The following RGS21 variants were observed in gnomAD, a reference collection of about 807,000 sequenced individuals.
The protein encoded by RGS21 is regulator of G-protein signalling 21.
A neutral mutation model predicts 18.7 loss-of-function variants in RGS21; 19 were observed. The ratio of observed to expected loss-of-function variants is 1.01; its 90% CI spans 0.71 to 1.49. The LOEUF (loss-of-function observed/expected upper bound fraction) is 1.49, where lower values mean the gene tolerates loss of function less well. Ranked by LOEUF, RGS21 falls within the 40% of genes most tolerant of loss-of-function variation. The pLI is 0.00. For missense variants in RGS21, 194 were observed against 176.8 expected, an observed-to-expected ratio of 1.10 and a Z score of -0.55; for synonymous variants, 56 against 57.8, an observed-to-expected ratio of 0.97 and a Z score of 0.14.
chr1:192,348,009 C>CAT (rs147266394), intron 3 of RGS21, among the ~76,000 whole-genome samples: 18 of 146,906 alleles, frequency 1.2e-4, no homozygotes, highest in Non-Finnish European at 2.1e-4. Context: ...CATACACATA[C>CAT]ATATATATAT....
At chr1:192,323,260 G>A (rs1050078225) in intron 1 of RGS21, among the ~76,000 whole-genome samples, 7 of 152,096 alleles carry the variant, frequency 4.6e-5, no homozygotes, top group East Asian at 1.9e-4. Flanking sequence ...GGCTGTGAAG[G>A]AAATTCCATT....
At chr1:192,343,725 C>T (rs1272987937) in intron 2 of RGS21, among the ~76,000 whole-genome samples, 5 of 152,094 alleles carry the variant, frequency 3.3e-5, no homozygotes, top group Non-Finnish European at 7.4e-5. Context: ...TTCAGATACA[C>T]AGTGACTTTT....
intron 1 of RGS21, among the ~76,000 whole-genome samples, chr1:192,341,117 C>T (rs12087502): frequency 0.31 from 47,727 of 151,792 alleles, 8,739 homozygotes; most frequent in African/African-American, 0.5. Context: ...CACCTACGTT[C>T]CTTGGCTCTT....
intron 1 of RGS21, among the ~76,000 whole-genome samples, chr1:192,341,903 A>C (rs182149428): frequency 6.6e-6 from 1 of 152,024 alleles, no homozygotes; most frequent in African/African-American, 2.4e-5. Context: ...AATATGTTTA[A>C]TGATTCAGTT....
intron 4 of RGS21, among the ~76,000 whole-genome samples, chr1:192,354,099 C>G (rs2102235332): frequency 6.6e-6 from 1 of 151,722 alleles, no homozygotes. Flanking sequence ...AGGTATTTCT[C>G]TATAGTTCAT....
chr1:192,362,241 T>G (rs1557983026), intron 4 of RGS21, among the ~76,000 whole-genome samples: 2 of 152,174 alleles, frequency 1.3e-5, no homozygotes, highest in African/African-American at 2.4e-5. Context: ...AAGTTATATT[T>G]TGGTAAAACT....
chr1:192,349,112 C>T (rs1658996984), intron 3 of RGS21, among the ~76,000 whole-genome samples: 1 of 152,030 alleles, frequency 6.6e-6, no homozygotes, highest in Non-Finnish European at 1.5e-5. Context: ...AGCAATGGGA[C>T]AGATCAAGTT....
At chr1:192,317,300 T>C (rs1014465253) in intron 1 of RGS21, among the ~76,000 whole-genome samples, 195 bp downstream of exon 1, 14 of 151,908 alleles carry the variant, frequency 9.2e-5, no homozygotes, top group Non-Finnish European at 1.8e-4. Flanking sequence ...TTATCACAGA[T>C]TGTCAAAGAA....
chr1:192,342,647 A>G (rs562345229), intron 1 of RGS21, among the ~76,000 whole-genome samples: 13 of 151,672 alleles, frequency 8.6e-5, no homozygotes, highest in Non-Finnish European at 1.8e-4. Context: ...GTGAATATTA[A>G]TTATAAATAT....
chr1:192,357,357 G>C (rs906901789), intron 4 of RGS21, among the ~76,000 whole-genome samples: 3 of 151,772 alleles, frequency 2.0e-5, no homozygotes, highest in African/African-American at 7.2e-5. Flanking sequence ...GGATCCCAAT[G>C]ATTTCCACAT....
chr1:192,336,654 A>ACC (rs1284783210), intron 1 of RGS21, among the ~76,000 whole-genome samples: 2 of 152,128 alleles, frequency 1.3e-5, no homozygotes, highest in Non-Finnish European at 1.5e-5. Flanking sequence ...AAAAAAATGA[A>ACC]TGGTTGAATA....
intron 1 of RGS21, among the ~76,000 whole-genome samples, chr1:192,328,994 T>A (rs1186974828): frequency 6.6e-6 from 1 of 152,132 alleles, no homozygotes; most frequent in African/African-American, 2.4e-5. Flanking sequence ...TAAAATTATT[T>A]CTCATAGATC....
chr1:192,341,877 C>A (rs1391146896), intron 1 of RGS21, among the ~76,000 whole-genome samples: 1 of 151,052 alleles, frequency 6.6e-6, no homozygotes, highest in African/African-American at 2.4e-5. Flanking sequence ...CCCCCCTGAG[C>A]AAAACAAAAA....
chr1:192,334,244 G>GTACT (rs2102226416), intron 1 of RGS21, among the ~76,000 whole-genome samples: 1 of 152,096 alleles, frequency 6.6e-6, no homozygotes, highest in Admixed American at 6.5e-5. Flanking sequence ...TTTAAAGAGC[G>GTACT]TACTTGTCAT....
At chr1:192,318,670 A>G (rs1364902722) in intron 1 of RGS21, among the ~76,000 whole-genome samples, 4 of 152,144 alleles carry the variant, frequency 2.6e-5, no homozygotes, top group African/African-American at 9.7e-5. Flanking sequence ...TCTAGTACTT[A>G]AAATGATATT....
At chr1:192,317,987 T>A (rs1250049952) in intron 1 of RGS21, among the ~76,000 whole-genome samples, 3 of 152,058 alleles carry the variant, frequency 2.0e-5, no homozygotes, top group Non-Finnish European at 4.4e-5. Flanking sequence ...ATAGTATATG[T>A]ATAACATATT....
At chr1:192,342,588 A>G (rs1571456249) in intron 1 of RGS21, among the ~76,000 whole-genome samples, 2 of 152,010 alleles carry the variant, frequency 1.3e-5, no homozygotes, top group Middle Eastern at 3.4e-3. Flanking sequence ...TGAAAATCAA[A>G]GAACAAAGGA....
chr1:192,333,185 G>A (rs1320671161), intron 1 of RGS21, among the ~76,000 whole-genome samples: 1 of 151,404 alleles, frequency 6.6e-6, no homozygotes, highest in East Asian at 1.9e-4. Flanking sequence ...AATCTCATTA[G>A]GATGCAGAAA....
Position 192,366,036 on chromosome 1 carries a change from T to C in RGS21, c.371T>C (p.Phe124Ser). 6.2e-7 allele frequency: 1 copy of C among 1,611,446 alleles called. No individual in the cohort carries two copies. The change falls in exon 5 of 5, where the codon TTC becomes TCC. Residue 124 changes from phenylalanine to serine, a missense_variant. Phe to Ser is a radical substitution (Grantham distance 155). Coordinates refer to ENST00000417209, the MANE Select transcript of RGS21 (RefSeq NM_001039152.3). ...TATTGTCTCATGGCCAAGGATTCTT[T>C]CCCTCGATTTCTGAAGTCAGAGATT... is the stretch of plus-strand genomic sequence containing the variant. ...LIYCLMAKDS[F>S]PRFLKSEIYK...
Sources: allele counts gnomAD v4.1 joint callset (sites outside exome capture counted in the v4.1 genomes callset), GRCh38; gene constraint gnomAD v4.1.1; transcripts MANE v1.5; gene names NCBI Gene and HGNC (gene_info 2026-07-23, HGNC 2026-07-21).